The following FANCB variants were observed in gnomAD, a reference collection of about 807,000 sequenced individuals.
FANCB encodes Fanconi anemia group B protein.
A neutral mutation model predicts 38.9 loss-of-function variants in FANCB; 5 were observed. The ratio of observed to expected loss-of-function variants is 0.13; its 90% CI spans 0.07 to 0.27. The LOEUF is 0.27. FANCB is among the 10% of genes least tolerant of loss of function. FANCB has a pLI of 1.00. For synonymous variants in FANCB, 236 were observed against 215.4 expected, an observed-to-expected ratio of 1.10 and a Z score of -0.84; for missense variants, 573 against 602.7, an observed-to-expected ratio of 0.95 and a Z score of 0.52.
chrX:14,801,312 G>T, the FANCB span, among the ~76,000 whole-genome samples: 1 of 112,014 alleles, frequency 8.9e-6, no homozygotes. Flanking sequence ...CTATTCATCA[G>T]CTGATACTGA....
downstream of FANCB, among the ~76,000 whole-genome samples, chrX:14,833,355 A>T (rs2952098): frequency 0.45 from 50,164 of 110,396 alleles, 8,387 homozygotes; most frequent in East Asian, 0.81. Context: ...CTGACTTTGA[A>T]GAGGGTTACT....
the FANCB span, among the ~76,000 whole-genome samples, chrX:14,724,626 C>CAAAAAAAAAAAAAAA: frequency 4.4e-4 from 22 of 49,573 alleles, no homozygotes; most frequent in East Asian, 1.9e-3. Context: ...AACTCTGTCT[C>CAAAAAAAAAAAAAAA]AAAAAAAAAA....
Position 14,844,107 on chromosome X carries a change from T to C in FANCB, c.2166-126A>G, listed in dbSNP as rs770504330. 2.6e-5 allele frequency: 14 copies of C among 536,661 alleles called. No homozygotes were observed. In the African/African-American group the frequency reaches 3.3e-4, roughly 13 times the overall value. The allele number at this position is 536,661 out of a possible 1,213,427, so 44.2% of individuals were successfully genotyped here. On this transcript the variant is annotated intron_variant, in intron 9 of 9. Transcript: ENST00000650831. ...CCATAATGATAAACAGAACCAATTA[T>C]GTACGTGAGCATTGATAAAATTCAG...
the FANCB span, among the ~76,000 whole-genome samples, chrX:14,786,275 G>A: frequency 1.8e-5 from 2 of 111,535 alleles, no homozygotes; most frequent in African/African-American, 3.3e-5. Context: ...GCAGATGGGG[G>A]AGGAGGGGAG....
chrX:14,775,276 T>C, the FANCB span, among the ~76,000 whole-genome samples: 1 of 106,036 alleles, frequency 9.4e-6, no homozygotes, highest in Non-Finnish European at 1.9e-5. Flanking sequence ...TTCGCGCTTC[T>C]ATACTTGAAG....
chrX:14,842,458 A>G (rs781288086), downstream of FANCB, among the ~76,000 whole-genome samples: 1 of 112,120 alleles, frequency 8.9e-6, no homozygotes, highest in African/African-American at 3.2e-5. Context: ...ATCTCACTTA[A>G]GGATTTTAGA....
At chrX:14,711,963 T>G in the FANCB span, among the ~76,000 whole-genome samples, 2 of 112,794 alleles carry the variant, frequency 1.8e-5, no homozygotes. Flanking sequence ...TAACAAATCT[T>G]CCGCGATTAA....
chrX:14,815,338 G>T, the FANCB span, among the ~76,000 whole-genome samples: 6 of 103,892 alleles, frequency 5.8e-5, no homozygotes, highest in Admixed American at 6.2e-4. Flanking sequence ...AAGTGGGGGG[G>T]AAGAATCCCA....
the FANCB span, among the ~76,000 whole-genome samples, chrX:14,805,790 ATACT>A: frequency 9.0e-6 from 1 of 111,687 alleles, no homozygotes; most frequent in Non-Finnish European, 1.9e-5. Flanking sequence ...TGCCCACAAG[ATACT>A]TACCAAGATC....
chrX:14,725,141 G>A, the FANCB span, among the ~76,000 whole-genome samples: 1 of 111,851 alleles, frequency 8.9e-6, no homozygotes, highest in Non-Finnish European at 1.9e-5. Flanking sequence ...TGACTTGAAA[G>A]ATCAATTCAG....
chrX:14,815,030 T>C, the FANCB span, among the ~76,000 whole-genome samples: 1 of 111,405 alleles, frequency 9.0e-6, no homozygotes, highest in Non-Finnish European at 1.9e-5. Flanking sequence ...AGGACATGGA[T>C]GAAGCTGGAA....
the FANCB span, among the ~76,000 whole-genome samples, chrX:14,745,185 G>A: frequency 3.6e-5 from 4 of 111,394 alleles, no homozygotes; most frequent in African/African-American, 1.3e-4. Context: ...GATAAACTTA[G>A]GCACATTAAA....
chrX:14,705,462 C>A, the FANCB span, among the ~76,000 whole-genome samples: 1 of 111,638 alleles, frequency 9.0e-6, no homozygotes, highest in African/African-American at 3.3e-5. Context: ...CAGGATGGTG[C>A]CCATAGCAAA....
the FANCB span, among the ~76,000 whole-genome samples, chrX:14,699,672 CCTAT>C: frequency 8.9e-6 from 1 of 111,732 alleles, no homozygotes; most frequent in African/African-American, 3.3e-5. Flanking sequence ...ACTTATTCCT[CCTAT>C]CTAACTGTAA....
At chrX:14,705,102 C>T in the FANCB span, among the ~76,000 whole-genome samples, 1 of 112,047 alleles carries the variant, frequency 8.9e-6, no homozygotes, top group Non-Finnish European at 1.9e-5. Flanking sequence ...GTAAATGAAA[C>T]AGAGATTAAA....
At chrX:14,722,427 T>G in the FANCB span, among the ~76,000 whole-genome samples, 1 of 111,332 alleles carries the variant, frequency 9.0e-6, no homozygotes, top group Non-Finnish European at 1.9e-5. Context: ...GATTGGAGCT[T>G]CATCACTTTT....
At chrX:14,793,878 TGAA>T in the FANCB span, among the ~76,000 whole-genome samples, 1 of 111,450 alleles carries the variant, frequency 9.0e-6, no homozygotes, top group South Asian at 3.8e-4. Flanking sequence ...ATATTTGGGT[TGAA>T]GAAGGAGATG....
the FANCB span, among the ~76,000 whole-genome samples, chrX:14,747,911 T>C: frequency 1.8e-5 from 2 of 112,255 alleles, no homozygotes; most frequent in African/African-American, 3.2e-5. Context: ...AGGGCTCCTT[T>C]AGTATTTTCA....
the FANCB span, among the ~76,000 whole-genome samples, chrX:14,774,906 C>T: frequency 9.0e-6 from 1 of 111,256 alleles, no homozygotes; most frequent in South Asian, 3.8e-4. Flanking sequence ...AATCTCGGCT[C>T]ACTGCAAGCT....
Sources: allele counts gnomAD v4.1 joint callset (sites outside exome capture counted in the v4.1 genomes callset), GRCh38; gene constraint gnomAD v4.1.1; transcripts MANE v1.5; gene names NCBI Gene and HGNC (gene_info 2026-07-23, HGNC 2026-07-21).